The following ACLY variants were observed in gnomAD, a reference collection of about 807,000 sequenced individuals.
The protein encoded by ACLY is ATP citrate lyase.
A neutral mutation model predicts 133.0 loss-of-function variants in ACLY; 41 were observed. The observed-to-expected ratio is 0.31, with a 90% CI of 0.24 to 0.40. The LOEUF (loss-of-function observed/expected upper bound fraction) is 0.40. Ranked by LOEUF, ACLY falls within the 10% of genes least tolerant of loss-of-function variation. ACLY has a pLI of 1.00. For missense variants in ACLY, 1,046 were observed against 1,453.8 expected (o/e 0.72, Z 4.56); for synonymous variants, 495 against 549.3 (o/e 0.90, Z 1.38).
chr17:41,887,472 A>G (rs1186201146), intron 17 of ACLY, 127 bp downstream of exon 17: 1 of 754,422 alleles, frequency 1.3e-6, no homozygotes, highest in African/African-American at 1.7e-5. Context: ...ACTGATTTTC[A>G]ACACATACTT....
rs1419326623 is a variant in ACLY at position 41,918,863 on chromosome 17, C to T, written c.-24+17G>A. On this transcript the variant is annotated intron_variant, in intron 1 of 28. Coordinates refer to ENST00000352035, the MANE Select transcript of ACLY (RefSeq NM_001096.3). ...GCGAGCGGGCTCCAGCCAGCGAAAACAGCCTCCCGTGCTCACCTCTGCCGA... is the reference window on the plus strand; with the variant it reads ...GCGAGCGGGCTCCAGCCAGCGAAAATAGCCTCCCGTGCTCACCTCTGCCGA... 7.8e-7 allele frequency: 1 copy of T among 1,287,366 alleles called. No individual in the cohort carries two copies. The highest frequency in any genetic ancestry group is 1.0e-6 in the Non-Finnish European group (1 of 988,052). The allele number at this position is 1,287,366 out of a possible 1,614,324, so 79.7% of individuals were successfully genotyped here. A position where few individuals can be genotyped will look rare whatever the true frequency, so the allele number is the denominator to read the frequency against.
At chr17:41,876,592 C>T (rs2048765633) in intron 22 of ACLY, among the ~76,000 whole-genome samples, 2 of 152,222 alleles carry the variant, frequency 1.3e-5, no homozygotes, top group African/African-American at 4.8e-5. Flanking sequence ...GCCTTGGGAT[C>T]CTGTTGATCT....
intron 11 of ACLY, 29 bp from the exon 12 acceptor site, chr17:41,898,814 A>G (rs2049444857): frequency 6.2e-7 from 1 of 1,602,816 alleles, no homozygotes; most frequent in South Asian, 1.1e-5. Context: ...AAAATCCATA[A>G]TTCAAGTCTG....
chr17:41,881,639 A>C (rs2048920510), intron 20 of ACLY, among the ~76,000 whole-genome samples: 2 of 152,006 alleles, frequency 1.3e-5, no homozygotes, highest in South Asian at 4.1e-4. Flanking sequence ...CAGGTCTACC[A>C]AGATCTGATT....
At chr17:41,872,697 A>G (rs2048627852) in intron 23 of ACLY, among the ~76,000 whole-genome samples, 1 of 152,194 alleles carries the variant, frequency 6.6e-6, no homozygotes, top group South Asian at 2.1e-4. Context: ...AGTGATTTTC[A>G]GCATGAGTTG....
intron 28 of ACLY, among the ~76,000 whole-genome samples, chr17:41,868,454 T>A (rs1420325031): frequency 2.8e-4 from 24 of 84,274 alleles, no homozygotes; most frequent in South Asian, 1.6e-3. Context: ...AAAAAAAAAA[T>A]TTTCCTGGGC....
At chr17:41,915,623 T>C (rs782272734) in intron 1 of ACLY, among the ~76,000 whole-genome samples, 5 of 152,134 alleles carry the variant, frequency 3.3e-5, no homozygotes, top group Non-Finnish European at 5.9e-5. Context: ...GGCTCAGAGA[T>C]GTTCCCTTTT....
chr17:41,887,560 A>T, intron 17 of ACLY, 39 bp downstream of exon 17: 1 of 1,550,530 alleles, frequency 6.4e-7, no homozygotes, highest in Middle Eastern at 1.7e-4. Flanking sequence ...TTCATAAGAT[A>T]GCATCGAACG....
intron 25 of ACLY, among the ~76,000 whole-genome samples, chr17:41,871,076 T>G (rs1349424785): frequency 6.6e-6 from 1 of 152,220 alleles, no homozygotes; most frequent in Non-Finnish European, 1.5e-5. Flanking sequence ...ATATGTCCCC[T>G]CAACCTGACC....
chr17:41,876,719 C>T (rs1732151346), intron 22 of ACLY, among the ~76,000 whole-genome samples: 1 of 152,086 alleles, frequency 6.6e-6, no homozygotes, highest in Admixed American at 6.5e-5. Flanking sequence ...AGGCAGCATG[C>T]TGGTTAAGAG....
intron 11 of ACLY, 77 bp from the exon 12 acceptor site, chr17:41,898,862 C>A: frequency 1.4e-6 from 2 of 1,413,740 alleles, no homozygotes; most frequent in Non-Finnish European, 1.9e-6. Context: ...CTGCAAAGGG[C>A]CTTTTACAGC....
rs1555628518 is a variant in ACLY at position 41,887,692 on chromosome 17, G to A, written c.1782C>T (p.Ile594=). 2 of 1,613,428 alleles carry A rather than the reference G, an allele frequency of 1.2e-6. No individual in the cohort carries two copies. The highest frequency in any genetic ancestry group is 3.3e-5 in the Admixed American group (2 of 59,980). The change falls in exon 17 of 29, where the codon ATC becomes ATT. Residue 594 remains isoleucine (I), a synonymous_variant. Transcript: ENST00000352035. The stretch of plus-strand genomic sequence containing the variant: ...CAGGGATGCCTTCAGCTATGATGGC[G>A]ATGGTCCGGATCTAGAGGATGACAA... ...ETMNYAQIRT[I]AIIAEGIPEA... is the part of the protein sequence containing the mutation.
intron 16 of ACLY, among the ~76,000 whole-genome samples, chr17:41,891,858 T>C (rs2049222832): frequency 6.6e-6 from 1 of 152,112 alleles, no homozygotes; most frequent in East Asian, 1.9e-4. Context: ...TCACCATGCC[T>C]GGCTTGACTA....
exon 1 of ACLY, chr17:41,930,536 C>A: frequency 1.8e-6 from 1 of 556,632 alleles, no homozygotes; most frequent in Non-Finnish European, 3.2e-6. Flanking sequence ...GCCCAGTGCG[C>A]GGCAGAACTG....
chr17:41,901,023 C>T (rs1022589645), intron 11 of ACLY, among the ~76,000 whole-genome samples: 9 of 151,808 alleles, frequency 5.9e-5, no homozygotes, highest in South Asian at 2.1e-4. Context: ...GGCATGATCA[C>T]GGCTCACTGC....
At chr17:41,878,985 T>G (rs559347356) in intron 20 of ACLY, 61 bp from the exon 21 acceptor site, 702 of 1,605,110 alleles carry the variant, frequency 4.4e-4, no homozygotes, top group South Asian at 1.0e-3. Flanking sequence ...TAGAATCCCA[T>G]GTAAAGTGTG....
intron 3 of ACLY, among the ~76,000 whole-genome samples, chr17:41,911,720 G>A (rs2049907174): frequency 6.6e-6 from 1 of 152,182 alleles, no homozygotes; most frequent in Admixed American, 6.5e-5. Flanking sequence ...GGAAGCTGAG[G>A]TGGGAGGATA....
At chr17:41,894,661 T>A (rs1451687119) in intron 14 of ACLY, among the ~76,000 whole-genome samples, 6 of 150,598 alleles carry the variant, frequency 4.0e-5, no homozygotes, top group African/African-American at 1.5e-4. Context: ...ACAAAAATTT[T>A]AAAAAGAAAA....
exon 1 of ACLY, chr17:41,930,373 C>T (rs781832336): frequency 4.8e-5 from 12 of 249,272 alleles, no homozygotes; most frequent in Non-Finnish European, 5.6e-5. Flanking sequence ...ATGCCTCATC[C>T]CTATTCGGAA....
Sources: gnomAD v4.1 joint callset for allele counts (sites outside exome capture counted in the v4.1 genomes callset) on GRCh38, gnomAD v4.1.1 for gene constraint, MANE v1.5 for transcripts, NCBI Gene and HGNC (gene_info 2026-07-23, HGNC 2026-07-21) for gene names.